Variants in CAPN2 observed in about 807,000 individuals in gnomAD.
The protein encoded by CAPN2 is calpain-2 catalytic subunit.
Under a neutral mutation model 102.3 loss-of-function variants are expected in CAPN2, and 92 were observed. The ratio of observed to expected loss-of-function variants is 0.90; its 90% CI spans 0.76 to 1.07. The LOEUF (loss-of-function observed/expected upper bound fraction) is 1.07, where lower values mean the gene tolerates loss of function less well. Ranked by LOEUF, CAPN2 falls within the 50% of genes least tolerant of loss-of-function variation. The pLI is 0.00. For missense variants in CAPN2, 800 were observed against 909.4 expected (o/e 0.88, Z 1.55); for synonymous variants, 340 against 355.4 (o/e 0.96, Z 0.49).
In CAPN2 at chr1:223,744,127, C is replaced by G; in HGVS notation, c.335C>G (p.Ala112Gly). 6.2e-7 allele frequency: 1 copy of G among 1,613,980 alleles called. No homozygotes were observed. Among genetic ancestry groups the G allele is most frequent in the Non-Finnish European group, 8.5e-7 (1 of 1,179,818 alleles). The change falls in exon 3 of 21, where the codon GCC becomes GGC. Residue 112 changes from alanine (A) to glycine (G), a missense_variant. Physicochemically the swap from Ala to Gly is moderately conservative, Grantham distance 60. Transcript: ENST00000295006. ...GACTGCTGGCTGCTGGCAGCCATTGCCTCCCTCACCTTGAATGAAGAAATC... is the reference window on the plus strand; with the variant it reads ...GACTGCTGGCTGCTGGCAGCCATTGGCTCCCTCACCTTGAATGAAGAAATC... ...LGDCWLLAAI[A>G]SLTLNEEILA...
chr1:223,741,468 A>ATATAT (rs71166282), intron 2 of CAPN2, among the ~76,000 whole-genome samples: 2 of 138,342 alleles, frequency 1.4e-5, no homozygotes, highest in East Asian at 2.2e-4. Context: ...ATATATATAT[A>ATATAT]TTTGAGAGGG....
chr1:223,743,939 A>G (rs1238911037), intron 2 of CAPN2, among the ~76,000 whole-genome samples, 161 bp from the exon 3 acceptor site: 2 of 152,156 alleles, frequency 1.3e-5, no homozygotes, highest in African/African-American at 4.8e-5. Context: ...ATAGCCCCCA[A>G]ACCCTCTGAC....
Position 223,755,791 on chromosome 1 carries a change from GC to G in CAPN2, c.1305+144del. ...AAGGAAAAACAAAACTACCAGCCTGGCCAGGCTCAGGAGTAGCCCCCGTAGG... is the reference window on the plus strand; with the variant it reads ...AAGGAAAAACAAAACTACCAGCCTGGCAGGCTCAGGAGTAGCCCCCGTAGG... On this transcript the variant is annotated intron_variant, in intron 10 of 20. Transcript: ENST00000295006. This position sits in a 1 kb window ranked among gnomAD's most constrained non-coding sequence, Gnocchi z 4.1. 1.2e-6 allele frequency: 1 copy of G among 846,852 alleles called. No individual in the cohort carries two copies. Among genetic ancestry groups the G allele is most frequent in the East Asian group, 2.8e-5 (1 of 35,838 alleles). The allele number at this position is 846,852 out of a possible 1,614,324, so 52.5% of individuals were successfully genotyped here.
rs1491465648 is a variant in CAPN2 at position 223,719,831 on chromosome 1, T to TGTGTGTGTGTGCGC, written c.307+2001_307+2002insTGTGTGTGTGCGCG. ...GTGTGTGTGTGTGTGTGTGTGTGTG[T>TGTGTGTGTGTGCGC]GCGCGCGCGCGCGTATAATGCAGTA... On this transcript the variant is annotated intron_variant, in intron 2 of 20. Coordinates refer to ENST00000295006, the MANE Select transcript of CAPN2 (RefSeq NM_001748.5). Among the ~76,000 whole-genome samples the TGTGTGTGTGTGCGC allele has an allele frequency of 2.8e-4, 27 of 96,790 alleles. No individual in the cohort carries two copies. In the South Asian group the frequency reaches 7.5e-3, roughly 27 times the overall value. 63.5% of individuals were successfully genotyped at this position (96,790 alleles called of 152,430 possible). A position where few individuals can be genotyped will look rare whatever the true frequency, so the allele number is the denominator to read the frequency against.
At chr1:223,734,596 C>G (rs1571793318) in intron 2 of CAPN2, among the ~76,000 whole-genome samples, 2 of 152,164 alleles carry the variant, frequency 1.3e-5, no homozygotes, top group South Asian at 4.1e-4. Context: ...CTCACTGACC[C>G]CCGGCCACAA....
Position 223,749,324 on chromosome 1 carries a change from G to T in CAPN2, c.813+202G>T, listed in dbSNP as rs1329585895. The stretch of plus-strand genomic sequence containing the variant: ...GCCGGGTGCGCCGCGCTGCCACCTG[G>T]TGGCCGCAGTGGCCGGCGCCAGGGG... On this transcript the variant is annotated intron_variant, in intron 6 of 20. Coordinates refer to ENST00000295006, the MANE Select transcript of CAPN2 (RefSeq NM_001748.5). 5.0e-6 allele frequency: 3 copies of T among 594,278 alleles called. No individual in the cohort carries two copies. The African/African-American group carries it at 5.6e-5, about 11-fold the overall frequency. 36.8% of individuals were successfully genotyped at this position (594,278 alleles called of 1,614,324 possible).
At chr1:223,721,516 G>T (rs6693372) in intron 2 of CAPN2, among the ~76,000 whole-genome samples, 15,237 of 152,262 alleles carry the variant, frequency 0.1, 878 homozygotes, top group African/African-American at 0.15. Flanking sequence ...AGAGCCCAAG[G>T]CTGCCAAGGC....
intron 1 of CAPN2, among the ~76,000 whole-genome samples, chr1:223,703,315 T>C (rs1659527731): frequency 1.1e-5 from 1 of 92,500 alleles, no homozygotes; most frequent in African/African-American, 5.0e-5. Flanking sequence ...AGCATTTGAT[T>C]TTTTTTTTTT....
At chr1:223,716,655 T>C (rs1326818966) in intron 1 of CAPN2, among the ~76,000 whole-genome samples, 2 of 151,842 alleles carry the variant, frequency 1.3e-5, no homozygotes, top group African/African-American at 4.8e-5. Context: ...GAGGCAGGCG[T>C]GTGCAACCCA....
chr1:223,736,886 G>T (rs895991524), intron 2 of CAPN2, among the ~76,000 whole-genome samples: 4 of 152,008 alleles, frequency 2.6e-5, no homozygotes, highest in African/African-American at 4.8e-5. Flanking sequence ...TACAAAAAAA[G>T]TTTTTTAATT....
Position 223,745,393 on chromosome 1 carries a change from G to T in CAPN2, c.514G>T (p.Glu172Ter), listed in dbSNP as rs759517694. The T allele has an allele frequency of 5.0e-6, 8 of 1,614,226 alleles. No homozygotes were observed. The highest frequency in any genetic ancestry group is 6.8e-6 in the Non-Finnish European group (8 of 1,180,038). Residue 172 changes from glutamate (E) to a stop codon, truncating the protein, a stop_gained, in exon 4 of 21, where the codon GAA (glutamate) becomes TAA (stop). Transcript: ENST00000295006. LOFTEE classifies it high-confidence loss of function. ...GGAGCTGCTCTTTGTGCATTCAGCC[G>T]AAGGGAGCGAGTTCTGGAGCGCCCT... ...DGELLFVHSA[E>*]GSEFWSALLE...
chr1:223,735,254 G>A (rs756388243), intron 2 of CAPN2, among the ~76,000 whole-genome samples: 12 of 152,186 alleles, frequency 7.9e-5, no homozygotes, highest in South Asian at 2.1e-4. Context: ...CTGGCTGGGC[G>A]CAGTGGCTCA....
chr1:223,760,781 A>G (rs938178661), intron 12 of CAPN2, among the ~76,000 whole-genome samples: 8 of 152,098 alleles, frequency 5.3e-5, no homozygotes, highest in African/African-American at 1.7e-4. Flanking sequence ...CACCTCTCAA[A>G]GGTTTCTGAC....
intron 2 of CAPN2, among the ~76,000 whole-genome samples, chr1:223,742,209 G>A (rs762314130): frequency 2.6e-5 from 4 of 151,946 alleles, no homozygotes; most frequent in Non-Finnish European, 5.9e-5. Flanking sequence ...TGGCCAACAT[G>A]GGGAAACCCT....
intron 2 of CAPN2, among the ~76,000 whole-genome samples, chr1:223,740,304 C>A (rs1411026797): frequency 6.6e-6 from 1 of 152,186 alleles, no homozygotes; most frequent in Non-Finnish European, 1.5e-5. Context: ...ATTTAATTTA[C>A]TCAGCAAGGA....
At chr1:223,730,318 A>T (rs1271054459) in intron 2 of CAPN2, among the ~76,000 whole-genome samples, 1 of 141,160 alleles carries the variant, frequency 7.1e-6, no homozygotes, top group East Asian at 2.1e-4. Flanking sequence ...AAATTTGTGA[A>T]CTTTCTCAAA....
Position 223,714,621 on chromosome 1 carries a change from T to TAAAAAA in CAPN2, c.237+1758_237+1763dup, listed in dbSNP as rs373544472. Among the ~76,000 whole-genome samples, 140 of 130,936 alleles carry TAAAAAA rather than the reference T, an allele frequency of 1.1e-3. 2 individuals carry two copies. The highest frequency in any genetic ancestry group is 2.7e-3 in the Admixed American group (34 of 12,632). 85.9% of individuals were successfully genotyped at this position (130,936 alleles called of 152,430 possible). On this transcript the variant is annotated intron_variant, in intron 1 of 20. Coordinates refer to ENST00000295006, the MANE Select transcript of CAPN2 (RefSeq NM_001748.5). ...AGTAAGACTTGTCTCTATAAAAAAG[T>TAAAAAA]AAAAAAAAAAAAAAAAAAAGTGAAA... is the stretch of plus-strand genomic sequence containing the variant.
chr1:223,748,942 T>C, intron 5 of CAPN2, 97 bp from the exon 6 acceptor site: 8 of 1,138,474 alleles, frequency 7.0e-6, no homozygotes, highest in Non-Finnish European at 1.0e-5. Context: ...CGCTAGTGCG[T>C]CCGGCGGTCC....
chr1:223,745,636 C>G (rs1176517630), intron 4 of CAPN2, among the ~76,000 whole-genome samples, 197 bp downstream of exon 4: 1 of 152,180 alleles, frequency 6.6e-6, no homozygotes, highest in African/African-American at 2.4e-5. Flanking sequence ...TAGAACTACT[C>G]CAGGACTACT....
Sources: gnomAD v4.1 joint callset for allele counts (sites outside exome capture counted in the v4.1 genomes callset) on GRCh38, gnomAD v4.1.1 for gene constraint, Gnocchi (gnomAD v3.1) non-coding constraint, MANE v1.5 for transcripts, NCBI Gene and HGNC (gene_info 2026-07-23, HGNC 2026-07-21) for gene names.